The following ZNF804B variants were observed in gnomAD, a reference collection of about 807,000 sequenced individuals.
ZNF804B encodes zinc finger 804B.
Under a neutral mutation model 101.4 loss-of-function variants are expected in ZNF804B, and 80 were observed. The ratio of observed to expected loss-of-function variants is 0.79; its 90% CI spans 0.66 to 0.95. The LOEUF is 0.95. Ranked by LOEUF, ZNF804B falls within the 40% of genes least tolerant of loss-of-function variation. The pLI is 0.00. For synonymous variants in ZNF804B, 622 were observed against 558.8 expected (o/e 1.11, Z -1.59); for missense variants, 1,673 against 1,561.9 (o/e 1.07, Z -1.20).
At chr7:88,904,412 C>T (rs765855151) in intron 1 of ZNF804B, among the ~76,000 whole-genome samples, 10 of 151,974 alleles carry the variant, frequency 6.6e-5, no homozygotes, top group Admixed American at 2.0e-4. Context: ...AATACTATTG[C>T]TTAGGATTGC....
At chr7:88,820,652 C>A (rs920807590) in intron 1 of ZNF804B, among the ~76,000 whole-genome samples, 1 of 152,080 alleles carries the variant, frequency 6.6e-6, no homozygotes, top group African/African-American at 2.4e-5. Flanking sequence ...TATGTGGCTG[C>A]CTGTGGGAAA....
At chr7:89,020,303 A>G (rs1404451725) in intron 1 of ZNF804B, among the ~76,000 whole-genome samples, 1 of 151,862 alleles carries the variant, frequency 6.6e-6, no homozygotes, top group Non-Finnish European at 1.5e-5. Flanking sequence ...TTTCTTATTC[A>G]TTTCTAAAGT....
intron 1 of ZNF804B, among the ~76,000 whole-genome samples, chr7:89,066,185 T>G (rs1789452248): frequency 6.6e-6 from 1 of 152,158 alleles, no homozygotes; most frequent in African/African-American, 2.4e-5. Context: ...ACACATTTGG[T>G]TTGTTTTCAT....
At chr7:89,040,409 G>C (rs1192357558) in intron 1 of ZNF804B, among the ~76,000 whole-genome samples, 1 of 151,828 alleles carries the variant, frequency 6.6e-6, no homozygotes, top group Non-Finnish European at 1.5e-5. Flanking sequence ...CTATCTGTTG[G>C]ATTTTTCAGT....
intron 1 of ZNF804B, among the ~76,000 whole-genome samples, chr7:89,155,710 C>T (rs568814755): frequency 2.9e-4 from 44 of 152,266 alleles, no homozygotes; most frequent in Middle Eastern, 6.8e-3. Flanking sequence ...TACCAGTTTT[C>T]GGAAGATAAC....
chr7:89,316,003 TTGTG>T (rs148321254), intron 2 of ZNF804B, among the ~76,000 whole-genome samples: 1 of 151,940 alleles, frequency 6.6e-6, no homozygotes, highest in Non-Finnish European at 1.5e-5. Flanking sequence ...CTCTGTACAA[TTGTG>T]TGTGTGTGTC....
intron 1 of ZNF804B, among the ~76,000 whole-genome samples, chr7:88,986,924 T>C (rs1793766422): frequency 6.6e-6 from 1 of 152,124 alleles, no homozygotes; most frequent in South Asian, 2.1e-4. Context: ...GTTTTAACAG[T>C]ACCTCATTTC....
intron 1 of ZNF804B, among the ~76,000 whole-genome samples, chr7:88,929,272 G>A (rs1584022393): frequency 6.6e-6 from 1 of 151,692 alleles, no homozygotes; most frequent in East Asian, 1.9e-4. Context: ...TTGAATTGGG[G>A]TAAGAGGCAA....
At chr7:88,773,377 A>G (rs1790097121) in intron 1 of ZNF804B, among the ~76,000 whole-genome samples, 1 of 151,136 alleles carries the variant, frequency 6.6e-6, no homozygotes, top group Non-Finnish European at 1.5e-5. Flanking sequence ...AAAAACAAAA[A>G]TATTTCAACT....
rs147103631 is a variant in ZNF804B, at chr7:88,790,824, G to C, written c.108+30740G>C. 2.7e-4 allele frequency among the ~76,000 whole-genome samples: 33 copies of C among 123,392 alleles called. No individual in the cohort carries two copies. The East Asian group carries it at 9.0e-3, about 34-fold the overall frequency. 80.9% of individuals were successfully genotyped at this position (123,392 alleles called of 152,430 possible). A position where few individuals can be genotyped will look rare whatever the true frequency, so the allele number is the denominator to read the frequency against. ...GAATTACCTTATCAGTCATACTAAG[G>C]CTTAAAAGTTTACATTTTGGATTTC... is the stretch of plus-strand genomic sequence containing the variant. On this transcript the variant is annotated intron_variant, in intron 1 of 3. Coordinates refer to ENST00000333190, the MANE Select transcript of ZNF804B (RefSeq NM_181646.5).
At chr7:89,078,923 G>A (rs995039379) in intron 1 of ZNF804B, among the ~76,000 whole-genome samples, 7 of 152,008 alleles carry the variant, frequency 4.6e-5, no homozygotes, top group African/African-American at 1.4e-4. Flanking sequence ...AAAGGAGATG[G>A]AGTATGGGGC....
intron 1 of ZNF804B, among the ~76,000 whole-genome samples, chr7:88,834,370 A>C (rs1283316245): frequency 6.6e-6 from 1 of 151,856 alleles, no homozygotes; most frequent in African/African-American, 2.4e-5. Flanking sequence ...AGCTGATCAC[A>C]CATATTAATT....
At chr7:88,903,716 C>T (rs905320169) in intron 1 of ZNF804B, among the ~76,000 whole-genome samples, 1 of 151,998 alleles carries the variant, frequency 6.6e-6, no homozygotes, top group Admixed American at 6.6e-5. Context: ...GTGACGATGA[C>T]AATTTTTTCA....
rs767550632 is a variant in ZNF804B at position 88,897,867 on chromosome 7, C to CT, written c.108+137797dup. Among the ~76,000 whole-genome samples, 1,100 of 138,798 alleles carry CT rather than the reference C, an allele frequency of 7.9e-3. 7 individuals carry two copies. Among genetic ancestry groups the CT allele is most frequent in the African/African-American group, 0.02 (757 of 38,116 alleles). The allele number at this position is 138,798 out of a possible 152,430, so 91.1% of individuals were successfully genotyped here. On this transcript the variant is annotated intron_variant, in intron 1 of 3. Coordinates refer to ENST00000333190, the MANE Select transcript of ZNF804B (RefSeq NM_181646.5). ...TTAACAGCTTGGGGGAAGAATAGTA[C>CT]TTTTTTTTTTTTTTGCGTCAGATTC...
At chr7:88,978,590 G>A (rs1255318301) in intron 1 of ZNF804B, among the ~76,000 whole-genome samples, 1 of 150,258 alleles carries the variant, frequency 6.7e-6, no homozygotes, top group African/African-American at 2.4e-5. Flanking sequence ...TTCAGTCTAT[G>A]TGTGTCTTTC....
chr7:89,256,360 C>A (rs1217276819), intron 2 of ZNF804B, among the ~76,000 whole-genome samples: 2 of 152,022 alleles, frequency 1.3e-5, no homozygotes. Flanking sequence ...TGAAGACCAG[C>A]CTGGGAAAAA....
intron 1 of ZNF804B, among the ~76,000 whole-genome samples, chr7:88,931,564 G>C (rs1406503): frequency 0.033 from 5,007 of 151,828 alleles, 102 homozygotes; most frequent in East Asian, 0.049. Flanking sequence ...AACTGATAAG[G>C]GATAATGGAC....
intron 1 of ZNF804B, among the ~76,000 whole-genome samples, chr7:88,847,298 C>CA (rs974822036): frequency 6.6e-6 from 1 of 151,510 alleles, no homozygotes; most frequent in African/African-American, 2.4e-5. Flanking sequence ...AATATTCCAT[C>CA]AAAAAAAATT....
At chr7:89,277,486 TC>T (rs1238589973) in intron 2 of ZNF804B, among the ~76,000 whole-genome samples, 83 of 4,538 alleles carry the variant, frequency 0.018, 4 homozygotes, top group African/African-American at 0.07. Context: ...CCCTCCCCCC[TC>T]CCCCCTCCCC....
Sources: allele counts gnomAD v4.1 joint callset (sites outside exome capture counted in the v4.1 genomes callset), GRCh38; gene constraint gnomAD v4.1.1; transcripts MANE v1.5; gene names NCBI Gene and HGNC (gene_info 2026-07-23, HGNC 2026-07-21).